PAPPA2: variants seen among roughly 807,000 people sequenced by gnomAD.
PAPPA2 encodes the protein pappalysin-2.
In PAPPA2, 86 loss-of-function variants were observed where a neutral mutation model predicts 176.4. The ratio of observed to expected loss-of-function variants is 0.49; its 90% CI spans 0.41 to 0.58. The LOEUF is 0.58. PAPPA2 is among the 20% of genes least tolerant of loss of function. The pLI, the probability that PAPPA2 is intolerant of heterozygous loss-of-function variation, is 0.00. For synonymous variants in PAPPA2, 809 were observed against 852.2 expected (o/e 0.95, Z 0.88); for missense variants, 2,073 against 2,256.9 (o/e 0.92, Z 1.65).
intron 6 of PAPPA2, among the ~76,000 whole-genome samples, chr1:176,694,334 C>T (rs1215065733): frequency 6.6e-6 from 1 of 152,180 alleles, no homozygotes; most frequent in Admixed American, 6.5e-5. Context: ...GGAACTTGCT[C>T]AAAGGAATTA....
At chr1:176,713,791 C>A (rs1027173860) in intron 12 of PAPPA2, among the ~76,000 whole-genome samples, 2 of 152,114 alleles carry the variant, frequency 1.3e-5, no homozygotes, top group Non-Finnish European at 2.9e-5. Flanking sequence ...CACATAGATG[C>A]CTAAACAAAA....
At chr1:176,485,355 C>G (rs1260376668) in intron 1 of PAPPA2, among the ~76,000 whole-genome samples, 1 of 152,064 alleles carries the variant, frequency 6.6e-6, no homozygotes, top group Non-Finnish European at 1.5e-5. Context: ...TCCATTCTAG[C>G]CATGCTGGAC....
At chr1:176,646,219 G>A (rs964389332) in intron 3 of PAPPA2, among the ~76,000 whole-genome samples, 2 of 151,380 alleles carry the variant, frequency 1.3e-5, no homozygotes, top group Admixed American at 1.3e-4. Flanking sequence ...TAGTTTCATA[G>A]TCTTAGGTCT....
intron 14 of PAPPA2, among the ~76,000 whole-genome samples, chr1:176,740,814 T>C (rs1037537437): frequency 4.6e-5 from 7 of 152,152 alleles, no homozygotes; most frequent in African/African-American, 1.4e-4. Context: ...CCAAACACAA[T>C]AATCTATTCT....
At chr1:176,776,102 C>T (rs1664448841) in intron 17 of PAPPA2, among the ~76,000 whole-genome samples, 1 of 152,124 alleles carries the variant, frequency 6.6e-6, no homozygotes. Flanking sequence ...CACTCCTCTG[C>T]TGTTTCATTA....
At chr1:176,835,636 C>T (rs1416083099) in intron 21 of PAPPA2, among the ~76,000 whole-genome samples, 2 of 152,206 alleles carry the variant, frequency 1.3e-5, no homozygotes, top group African/African-American at 2.4e-5. Flanking sequence ...TCTCCTGCCT[C>T]AGCCTCCCAA....
At chr1:176,673,738 A>G (rs577756919) in intron 4 of PAPPA2, among the ~76,000 whole-genome samples, 5 of 152,290 alleles carry the variant, frequency 3.3e-5, no homozygotes, top group African/African-American at 9.6e-5. Flanking sequence ...AAGACATCAG[A>G]CTGGCTAAGG....
At chr1:176,594,491 T>C in intron 2 of PAPPA2, 33 bp from the exon 3 acceptor site, 1 of 1,559,022 alleles carries the variant, frequency 6.4e-7, no homozygotes, top group African/African-American at 1.4e-5. Context: ...ATCTGGTATC[T>C]GTCTCTTCCC....
rs530145605 is a variant in PAPPA2 at position 176,815,255 on chromosome 1, A to T, written c.5202+15123A>T. Among the ~76,000 whole-genome samples, 30 of 152,254 alleles carry T rather than the reference A, an allele frequency of 2.0e-4. 1 individual carries two copies. Among genetic ancestry groups the T allele is most frequent in the Admixed American group, 9.8e-4 (15 of 15,288 alleles). On this transcript the variant is annotated intron_variant, in intron 21 of 22. Coordinates refer to ENST00000367662, the MANE Select transcript of PAPPA2 (RefSeq NM_020318.3). ...CATAATGAAAATAATGCACACTTCA[A>T]TTCCTGACTAAGAGGTTTAAATCTC...
At position 176,695,038 on chromosome 1, in the gene PAPPA2, A is replaced by G. The variant is rs1660306863; in HGVS notation, c.2625-700A>G. On this transcript the variant is annotated intron_variant, in intron 6 of 22. Coordinates refer to ENST00000367662, the MANE Select transcript of PAPPA2 (RefSeq NM_020318.3). ...CTTGATGGGTAAGTAGGAGTTTGCT[A>G]AACAGAGAAGCTTGGAAAGGCTGTT... is the stretch of plus-strand genomic sequence containing the variant. Among the ~76,000 whole-genome samples the G allele has an allele frequency of 2.6e-5, 4 of 152,196 alleles. No individual in the cohort carries two copies. In the South Asian group the frequency reaches 8.3e-4, roughly 31 times the overall value.
chr1:176,634,861 GATAC>G (rs1392389547), intron 3 of PAPPA2, among the ~76,000 whole-genome samples: 8 of 139,696 alleles, frequency 5.7e-5, no homozygotes, highest in Admixed American at 1.4e-4. Flanking sequence ...TAGATACATA[GATAC>G]ATAGATAGAT....
chr1:176,635,614 C>T (rs934601844), intron 3 of PAPPA2, among the ~76,000 whole-genome samples: 1 of 152,068 alleles, frequency 6.6e-6, no homozygotes, highest in African/African-American at 2.4e-5. Context: ...TTTGTTTTCT[C>T]CTCTCTTAAT....
At chr1:176,605,899 T>A (rs1654585857) in intron 3 of PAPPA2, among the ~76,000 whole-genome samples, 1 of 152,170 alleles carries the variant, frequency 6.6e-6, no homozygotes, top group Non-Finnish European at 1.5e-5. Context: ...ATTCTGGTAA[T>A]GTCCTTTTCT....
intron 10 of PAPPA2, among the ~76,000 whole-genome samples, chr1:176,708,319 T>C (rs1467472554): frequency 6.6e-6 from 1 of 152,126 alleles, no homozygotes; most frequent in African/African-American, 2.4e-5. Flanking sequence ...AATCATAAGT[T>C]CATCATATGC....
Position 176,823,778 on chromosome 1 carries a change from A to G in PAPPA2, c.5203-16395A>G, listed in dbSNP as rs550472978. ...AGATATGGTCACATTCCCTCAGCCC[A>G]TAATAAGTGAGGCAGAACAATCTGA... On this transcript the variant is annotated intron_variant, in intron 21 of 22. Coordinates refer to ENST00000367662, the MANE Select transcript of PAPPA2 (RefSeq NM_020318.3). 2.6e-5 allele frequency among the ~76,000 whole-genome samples: 4 copies of G among 152,292 alleles called. No homozygotes were observed. In the East Asian group the frequency reaches 5.8e-4, roughly 22 times the overall value.
At chr1:176,765,640 A>C in intron 14 of PAPPA2, 26 bp from the exon 15 acceptor site, 1 of 1,609,548 alleles carries the variant, frequency 6.2e-7, no homozygotes, top group Non-Finnish European at 8.5e-7. Flanking sequence ...ACCAGTCCTA[A>C]GATGGTTCTA....
intron 13 of PAPPA2, 108 bp from the exon 14 acceptor site, chr1:176,739,872 T>C: frequency 6.4e-7 from 1 of 1,564,996 alleles, no homozygotes; most frequent in Non-Finnish European, 8.7e-7. Context: ...ACATCATACA[T>C]CTAGGTTTTG....
chr1:176,491,903 T>A (rs759297545), intron 1 of PAPPA2, among the ~76,000 whole-genome samples: 2 of 152,188 alleles, frequency 1.3e-5, no homozygotes, highest in Non-Finnish European at 2.9e-5. Context: ...CATGAGGAAG[T>A]GGCAGAAATG....
At chr1:176,544,305 T>C (rs146851599) in intron 1 of PAPPA2, among the ~76,000 whole-genome samples, 17 of 152,322 alleles carry the variant, frequency 1.1e-4, no homozygotes, top group African/African-American at 4.1e-4. Context: ...TAATAATATC[T>C]GGCTCTGATG....
Sources: allele counts gnomAD v4.1 joint callset (sites outside exome capture counted in the v4.1 genomes callset), GRCh38; gene constraint gnomAD v4.1.1; transcripts MANE v1.5; gene names NCBI Gene and HGNC (gene_info 2026-07-23, HGNC 2026-07-21).